Variants in NPNT observed in about 807,000 individuals in gnomAD.
NPNT encodes preosteoblast EGF-like repeat protein with MAM domain.
In NPNT, 45 loss-of-function variants were observed where a neutral mutation model predicts 68.6. That is an observed-to-expected ratio of 0.66 (90% CI 0.52 to 0.84). NPNT has a LOEUF of 0.84. NPNT is among the 40% of genes least tolerant of loss of function. NPNT has a pLI of 0.00. For synonymous variants in NPNT, 233 were observed against 253.3 expected (o/e 0.92, Z 0.76); for missense variants, 672 against 714.8 (o/e 0.94, Z 0.68).
At chr4:105,967,788 C>T (rs1234395227) in intron 11 of NPNT, among the ~76,000 whole-genome samples, 6 of 151,918 alleles carry the variant, frequency 3.9e-5, no homozygotes, top group African/African-American at 9.7e-5. Flanking sequence ...TTAATTGTTC[C>T]TGCTTTCCCT....
chr4:105,913,658 G>C (rs541214095), intron 2 of NPNT, among the ~76,000 whole-genome samples: 1 of 152,258 alleles, frequency 6.6e-6, no homozygotes, highest in South Asian at 2.1e-4. Context: ...TCCATCCTAG[G>C]ACAGATGGTA....
chr4:105,913,203 CAT>C (rs1341703324), intron 2 of NPNT, among the ~76,000 whole-genome samples: 5 of 152,076 alleles, frequency 3.3e-5, no homozygotes, highest in African/African-American at 7.2e-5. Flanking sequence ...GAAACTATCA[CAT>C]GTCATGAAAA....
At chr4:105,936,462 G>T (rs917522331) in intron 3 of NPNT, among the ~76,000 whole-genome samples, 5 of 146,572 alleles carry the variant, frequency 3.4e-5, no homozygotes, top group Non-Finnish European at 7.6e-5. Context: ...GAAGGTCAAA[G>T]CAGTCAAATG....
chr4:105,949,939 T>G (rs1035208571), intron 8 of NPNT, among the ~76,000 whole-genome samples: 5 of 152,204 alleles, frequency 3.3e-5, no homozygotes, highest in Admixed American at 2.0e-4. Flanking sequence ...TTTCATTGTC[T>G]TTTTGTTGTC....
chr4:105,940,487 C>G (rs757924433), intron 6 of NPNT, 27 bp from the exon 7 acceptor site: 3 of 1,597,828 alleles, frequency 1.9e-6, no homozygotes, highest in Non-Finnish European at 2.6e-6. Context: ...CTAAATAAGT[C>G]TCTTCTTTTC....
At chr4:105,958,807 T>C in intron 9 of NPNT, 2 of 549,166 alleles carry the variant, frequency 3.6e-6, no homozygotes, top group Non-Finnish European at 6.5e-6. Context: ...TGATGTAACA[T>C]TGTTATAATT....
rs777999339 is a variant in NPNT at position 105,938,332 on chromosome 4, G to A, written c.417G>A (p.Gln139=). The change falls in exon 5 of 12, where the codon CAG becomes CAA. Residue 139 remains glutamine, a synonymous_variant. Transcript: ENST00000379987. ...SALTCSMANC[Q]YGCDVVKGQI... is the part of the protein sequence containing the mutation. ...TGACCTGCTCCATGGCAAACTGTCA[G>A]TATGGCTGTGATGTTGTTAAAGGAC... is the stretch of plus-strand genomic sequence containing the variant. 6.2e-7 allele frequency: 1 copy of A among 1,613,614 alleles called. No individual in the cohort carries two copies. The highest frequency in any genetic ancestry group is 1.3e-5 in the African/African-American group (1 of 74,876).
At chr4:105,920,391 C>T (rs1313690453) in intron 2 of NPNT, among the ~76,000 whole-genome samples, 1 of 70,086 alleles carries the variant, frequency 1.4e-5, no homozygotes, top group Non-Finnish European at 2.4e-5. Context: ...TACTGTTACT[C>T]TACTAAAAAA....
intron 10 of NPNT, among the ~76,000 whole-genome samples, chr4:105,966,096 TTATATC>T (rs1321643888): frequency 6.6e-6 from 1 of 152,216 alleles, no homozygotes; most frequent in African/African-American, 2.4e-5. Flanking sequence ...AGATGATAGT[TTATATC>T]TGTTAACTGA....
intron 8 of NPNT, among the ~76,000 whole-genome samples, chr4:105,945,415 C>T (rs780252730): frequency 3.3e-5 from 5 of 152,166 alleles, no homozygotes; most frequent in East Asian, 3.9e-4. Flanking sequence ...TGAAAATAGA[C>T]GTCTCAAACT....
intron 7 of NPNT, 141 bp downstream of exon 7, chr4:105,940,777 C>T (rs1411022943): frequency 7.9e-6 from 6 of 754,918 alleles, no homozygotes; most frequent in Non-Finnish European, 1.3e-5. Flanking sequence ...TTGATTTCCA[C>T]AAACAATAAA....
intron 10 of NPNT, among the ~76,000 whole-genome samples, chr4:105,963,497 T>C (rs1460406922): frequency 2.0e-5 from 3 of 152,134 alleles, no homozygotes; most frequent in Non-Finnish European, 4.4e-5. Flanking sequence ...TGCTATTAGG[T>C]TTTATCACAT....
At chr4:105,903,794 T>TC (rs1358164018) in intron 2 of NPNT, among the ~76,000 whole-genome samples, 2 of 150,678 alleles carry the variant, frequency 1.3e-5, no homozygotes, top group Non-Finnish European at 3.0e-5. Context: ...TTTTTTTTTT[T>TC]TTTTTTTTGA....
At chr4:105,927,234 C>T (rs2149354422) in intron 2 of NPNT, 102 bp from the exon 3 acceptor site, 2 of 680,206 alleles carry the variant, frequency 2.9e-6, no homozygotes, top group South Asian at 2.0e-5. Flanking sequence ...GTTGTAAGTT[C>T]TAGTTTTTTT....
At chr4:105,923,621 T>C (rs1482688102) in intron 2 of NPNT, among the ~76,000 whole-genome samples, 10 of 152,156 alleles carry the variant, frequency 6.6e-5, no homozygotes, top group Admixed American at 6.5e-4. Context: ...ATTCTCAAGA[T>C]CGCCTCATGG....
chr4:105,895,505 G>T lies in NPNT; in HGVS notation c.-148G>T. 3.1e-6 allele frequency: 2 copies of T among 649,838 alleles called. No individual in the cohort carries two copies. Among genetic ancestry groups the T allele is most frequent in the Non-Finnish European group, 5.2e-6 (2 of 387,848 alleles). 40.3% of individuals were successfully genotyped at this position (649,838 alleles called of 1,614,324 possible). A position where few individuals can be genotyped will look rare whatever the true frequency, so the allele number is the denominator to read the frequency against. ...ACCTGCTCCGGCCGCGCGCCTCGCC[G>T]CTGTCCTCCGGGAGCGGCAGCAGTA... On this transcript the variant is annotated 5_prime_UTR_variant, in exon 1 of 12. Coordinates refer to ENST00000379987, the MANE Select transcript of NPNT (RefSeq NM_001033047.3).
intron 8 of NPNT, among the ~76,000 whole-genome samples, chr4:105,953,815 CCAA>C (rs979280212): frequency 1.3e-5 from 2 of 152,192 alleles, no homozygotes; most frequent in Non-Finnish European, 2.9e-5. Flanking sequence ...ATCATTTAGT[CCAA>C]CAACAAATGC....
chr4:105,963,928 G>T (rs1731926965), intron 10 of NPNT, among the ~76,000 whole-genome samples: 1 of 151,886 alleles, frequency 6.6e-6, no homozygotes, highest in South Asian at 2.1e-4. Flanking sequence ...TGTTCTCAGA[G>T]AGATATTTTT....
At chr4:105,920,137 C>T (rs1033249155) in intron 2 of NPNT, among the ~76,000 whole-genome samples, 5 of 151,784 alleles carry the variant, frequency 3.3e-5, no homozygotes, top group African/African-American at 1.2e-4. Flanking sequence ...TCAATAACTA[C>T]CGTTATTCTT....
Sources: gnomAD v4.1 joint callset for allele counts (sites outside exome capture counted in the v4.1 genomes callset) on GRCh38, gnomAD v4.1.1 for gene constraint, MANE v1.5 for transcripts, NCBI Gene and HGNC (gene_info 2026-07-23, HGNC 2026-07-21) for gene names.